Variants in RIPK1 observed in about 807,000 individuals in gnomAD.
The protein encoded by RIPK1 is receptor interacting serine/threonine kinase 1.
RIPK1 carries 27 observed loss-of-function variants against 62.4 expected under a neutral mutation model. The observed-to-expected ratio is 0.43, with a 90% confidence interval of 0.32 to 0.60. The LOEUF (loss-of-function observed/expected upper bound fraction) is 0.60, where lower values mean the gene tolerates loss of function less well. Ranked by LOEUF, RIPK1 falls within the 20% of genes least tolerant of loss-of-function variation. The probability of loss-of-function intolerance (pLI) is 0.07; values close to 1 mark genes in which losing one functional copy is unlikely to be tolerated. For missense variants in RIPK1, 735 were observed against 831.0 expected, an observed-to-expected ratio of 0.88 and a Z score of 1.42; for synonymous variants, 287 against 303.2, an observed-to-expected ratio of 0.95 and a Z score of 0.55.
rs1269918855 is a variant in RIPK1, at chr6:3,114,797, C to T, written c.*1458C>T. 2 of 152,302 alleles carry T rather than the reference C, an allele frequency of 1.3e-5. No homozygotes were observed. Among genetic ancestry groups the T allele is most frequent in the Non-Finnish European group, 2.9e-5 (2 of 68,078 alleles). The allele number at this position is 152,302 out of a possible 1,614,324, so 9.4% of individuals were successfully genotyped here. A position where few individuals can be genotyped will look rare whatever the true frequency, so the allele number is the denominator to read the frequency against. ...TTAGTAGCATCCCTGCCCCCACCTA[C>T]TAGATGCCAGGGGCACTGTTCTCCC... On this transcript the variant is annotated 3_prime_UTR_variant, in exon 11 of 11. Coordinates refer to ENST00000259808, the MANE Select transcript of RIPK1 (RefSeq NM_001354930.2). The surrounding 1 kb of genome is among the most constrained non-coding windows in gnomAD (Gnocchi z 5.0).
At chr6:3,064,970 C>A (rs917806530), upstream of RIPK1, among the ~76,000 whole-genome samples, 1 of 151,922 alleles carries the variant, frequency 6.6e-6, no homozygotes, top group African/African-American at 2.4e-5. Context: ...TGGTCGGGTG[C>A]GGTGGCTCAC....
chr6:3,109,794 C>G (rs557535502), intron 9 of RIPK1, among the ~76,000 whole-genome samples: 1 of 152,304 alleles, frequency 6.6e-6, no homozygotes, highest in South Asian at 2.1e-4. Context: ...AACTCCCCAG[C>G]TCCCCTCCCA....
At position 3,083,166 on chromosome 6, in the gene RIPK1, G is replaced by C. The variant is rs115041708; in HGVS notation, c.541G>C (p.Gly181Arg). Residue 181 changes from glycine to arginine, a missense_variant, in exon 5 of 11, where the codon GGC becomes CGC. Around this residue, in one of 2 missense-constraint regions of RIPK1, gnomAD observed 671 missense variants for 726.2 expected, o/e 0.92. Transcript: ENST00000259808. ...EEHNELREVDGTAKKNGGTLY... is the reference protein window; with the variant it reads ...EEHNELREVDRTAKKNGGTLY... Reference sequence around the variant, plus strand: ...GCACAATGAGCTGAGGGAAGTGGACGGCACCGCTAAGAAGAATGGCGGCAC... The same window carrying C: ...GCACAATGAGCTGAGGGAAGTGGACCGCACCGCTAAGAAGAATGGCGGCAC... 3.7e-6 allele frequency: 6 copies of C among 1,614,010 alleles called. No homozygotes were observed. Among genetic ancestry groups the C allele is most frequent in the Non-Finnish European group, 5.1e-6 (6 of 1,179,974 alleles).
chr6:3,075,172 C>G (rs1330720571), intron 1 of RIPK1, among the ~76,000 whole-genome samples: 1 of 152,202 alleles, frequency 6.6e-6, no homozygotes, highest in Non-Finnish European at 1.5e-5. Flanking sequence ...TATACTCCCA[C>G]CAGTGATGTT....
Position 3,113,646 on chromosome 6 carries a change from C to A in RIPK1, c.*307C>A, listed in dbSNP as rs77736895. 3.5e-6 allele frequency: 1 copy of A among 287,946 alleles called. No individual in the cohort carries two copies. The highest frequency in any genetic ancestry group is 6.6e-6 in the Non-Finnish European group (1 of 152,422). The allele number at this position is 287,946 out of a possible 1,614,324, so 17.8% of individuals were successfully genotyped here. A position where few individuals can be genotyped will look rare whatever the true frequency, so the allele number is the denominator to read the frequency against. On this transcript the variant is annotated 3_prime_UTR_variant, in exon 11 of 11. Coordinates refer to ENST00000259808, the MANE Select transcript of RIPK1 (RefSeq NM_001354930.2). The surrounding 1 kb of genome is among the most constrained non-coding windows in gnomAD (Gnocchi z 5.0). ...AGCCAACAATCCGCTCTGAGGAAAG[C>A]GTAAGCAGGAAGACCTCTTAATGGC...
At chr6:3,068,174 C>T (rs894928611), upstream of RIPK1, 1 of 973,590 alleles carries the variant, frequency 1.0e-6, no homozygotes, top group Non-Finnish European at 1.2e-6. Flanking sequence ...TCAACAGCCC[C>T]ACTTTACAGA....
At chr6:3,070,865 C>T (rs1692150934) in intron 1 of RIPK1, among the ~76,000 whole-genome samples, 1 of 152,196 alleles carries the variant, frequency 6.6e-6, no homozygotes, top group Admixed American at 6.5e-5. Context: ...TATTTGCTAT[C>T]TAGAGAAGTA....
chr6:3,087,736 T>C (rs1759793628), intron 6 of RIPK1, among the ~76,000 whole-genome samples: 1 of 152,064 alleles, frequency 6.6e-6, no homozygotes, highest in Non-Finnish European at 1.5e-5. Flanking sequence ...AGACGGGGTT[T>C]CACCGTGTTA....
intron 6 of RIPK1, among the ~76,000 whole-genome samples, chr6:3,089,217 C>T (rs1310462798): frequency 6.6e-6 from 1 of 152,198 alleles, no homozygotes; most frequent in Admixed American, 6.5e-5. Context: ...CTGACTATCC[C>T]AATCTCTCAT....
At position 3,113,240 on chromosome 6, in the gene RIPK1, A is replaced by G; in HGVS notation, c.1917A>G (p.Glu639=). Residue 639 remains glutamate (E), a synonymous_variant, in exon 11 of 11, where the codon GAA becomes GAG. Transcript: ENST00000259808. This position sits in a 1 kb window ranked among gnomAD's most constrained non-coding sequence, Gnocchi z 5.0. Reference sequence around the variant, plus strand: ...TGCTCCAAAAGTGGGTGATGAGGGAAGGCATAAAGGGAGCCACGGTGGGGA... The same window carrying G: ...TGCTCCAAAAGTGGGTGATGAGGGAGGGCATAAAGGGAGCCACGGTGGGGA... ...YQMLQKWVMR[E]GIKGATVGKL... The G allele has an allele frequency of 6.2e-7, 1 of 1,614,144 alleles. No individual in the cohort carries two copies. The highest frequency in any genetic ancestry group is 1.1e-5 in the South Asian group (1 of 91,068).
chr6:3,085,214 G>T (rs1431667005), intron 5 of RIPK1, 45 bp from the exon 6 acceptor site: 1 of 1,610,498 alleles, frequency 6.2e-7, no homozygotes, highest in Non-Finnish European at 8.5e-7. Flanking sequence ...TCACCTTCCT[G>T]CCTGAGAGAG....
In RIPK1 at chr6:3,105,717, G is replaced by A; in HGVS notation, c.1242G>A (p.Arg414=). 6.2e-7 allele frequency: 1 copy of A among 1,613,944 alleles called. No homozygotes were observed. The highest frequency in any genetic ancestry group is 8.5e-7 in the Non-Finnish European group (1 of 1,179,820). The change falls in exon 9 of 11, where the codon AGG becomes AGA. Residue 414 remains arginine (R), a synonymous_variant. Transcript: ENST00000259808. This position sits in a 1 kb window ranked among gnomAD's most constrained non-coding sequence, Gnocchi z 4.5. ...AYNREEERRR[R]VSHDPFAQQR... ...ACAGAGAGGAGGAAAGGAGACGCAG[G>A]GTCTCCCATGACCCTTTTGCACAGC...
chr6:3,107,846 G>A (rs1760943495), intron 9 of RIPK1, among the ~76,000 whole-genome samples: 1 of 152,078 alleles, frequency 6.6e-6, no homozygotes, highest in Non-Finnish European at 1.5e-5. Context: ...GTACAGGGAT[G>A]CAGCTTCTTC....
intron 1 of RIPK1, among the ~76,000 whole-genome samples, chr6:3,076,275 TAAAAATATG>T (rs1759042224): frequency 6.6e-6 from 1 of 152,170 alleles, no homozygotes; most frequent in African/African-American, 2.4e-5. Flanking sequence ...CTCTGATTCT[TAAAAATATG>T]AAAAATAGCT....
intron 1 of RIPK1, among the ~76,000 whole-genome samples, chr6:3,073,107 T>C (rs201777505): frequency 1.3e-5 from 2 of 152,090 alleles, no homozygotes; most frequent in Non-Finnish European, 2.9e-5. Context: ...TATATACATA[T>C]GTACATATAT....
intron 1 of RIPK1, among the ~76,000 whole-genome samples, chr6:3,069,935 C>T (rs970093752): frequency 3.3e-5 from 5 of 152,040 alleles, no homozygotes; most frequent in Non-Finnish European, 7.4e-5. Flanking sequence ...GGCTTGAACC[C>T]AGGAGGCGGT....
intron 2 of RIPK1, among the ~76,000 whole-genome samples, chr6:3,077,526 T>C (rs570185744): frequency 6.6e-6 from 1 of 152,262 alleles, no homozygotes; most frequent in East Asian, 1.9e-4. Flanking sequence ...GTTCATGTAC[T>C]TTTCATTCAT....
rs1758494903 is a variant in RIPK1, at chr6:3,068,497, C to T, written c.-225C>T. ...AGGGGGAGGAGGCAGCGCGAACAGT[C>T]CACGCCCTCCAGCCGGGCGCGCTCG... On this transcript the variant is annotated 5_prime_UTR_variant, in exon 1 of 11. Transcript: ENST00000259808. 1 of 985,316 alleles carries T rather than the reference C, an allele frequency of 1.0e-6. No homozygotes were observed. Among genetic ancestry groups the T allele is most frequent in the Non-Finnish European group, 1.2e-6 (1 of 829,856 alleles). 61.0% of individuals were successfully genotyped at this position (985,316 alleles called of 1,614,324 possible). A position where few individuals can be genotyped will look rare whatever the true frequency, so the allele number is the denominator to read the frequency against.
chr6:3,113,326 T>A lies in RIPK1; in HGVS notation c.2003T>A (p.Val668Asp). 6.2e-7 allele frequency: 1 copy of A among 1,613,814 alleles called. No homozygotes were observed. Among genetic ancestry groups the A allele is most frequent in the Non-Finnish European group, 8.5e-7 (1 of 1,179,910 alleles). ...RIDLLSSLIY[V>D]SQN is the part of the protein sequence containing the mutation. ...GACCTTCTGAGCAGCTTGATTTACGTCAGCCAGAACTAACCCTGGATGGGC... is the reference window on the plus strand; with the variant it reads ...GACCTTCTGAGCAGCTTGATTTACGACAGCCAGAACTAACCCTGGATGGGC... Residue 668 changes from valine (V) to aspartate (D), a missense_variant, in exon 11 of 11, where the codon GTC becomes GAC. Around this residue, in one of 2 missense-constraint regions of RIPK1, gnomAD observed 64 missense variants for 104.8 expected, o/e 0.61. Transcript: ENST00000259808. This position sits in a 1 kb window ranked among gnomAD's most constrained non-coding sequence, Gnocchi z 5.0.
Sources: allele counts gnomAD v4.1 joint callset (sites outside exome capture counted in the v4.1 genomes callset), GRCh38; gene constraint gnomAD v4.1.1; regional missense constraint gnomAD v4.1.1; non-coding constraint Gnocchi (gnomAD v3.1); transcripts MANE v1.5; gene names NCBI Gene and HGNC (gene_info 2026-07-23, HGNC 2026-07-21).